ROBO1: variants seen among roughly 807,000 people sequenced by gnomAD.
ROBO1 encodes roundabout homolog 1.
A neutral mutation model predicts 195.9 loss-of-function variants in ROBO1; 149 were observed. The ratio of observed to expected loss-of-function variants is 0.76; its 90% CI spans 0.67 to 0.87. The LOEUF is 0.87. Among genes scored for constraint, ROBO1 ranks in the 40% least tolerant of loss-of-function variants. ROBO1 has a pLI of 0.00. For missense variants in ROBO1, 1,933 were observed against 2,068.3 expected (o/e 0.93, Z 1.27); for synonymous variants, 816 against 733.2 (o/e 1.11, Z -1.82).
chr3:79,362,437 T>C (rs955820485), intron 2 of ROBO1, among the ~76,000 whole-genome samples: 1 of 152,142 alleles, frequency 6.6e-6, no homozygotes, highest in Non-Finnish European at 1.5e-5. Context: ...GAGAAAACTA[T>C]TCAATAACTA....
intron 1 of ROBO1, among the ~76,000 whole-genome samples, chr3:79,737,173 C>T (rs545049166): frequency 6.6e-6 from 1 of 152,040 alleles, no homozygotes; most frequent in Non-Finnish European, 1.5e-5. Flanking sequence ...CAAGAGAGTG[C>T]AATATGAGGC....
At chr3:78,920,015 AC>A (rs1409290225) in intron 4 of ROBO1, among the ~76,000 whole-genome samples, 1 of 152,252 alleles carries the variant, frequency 6.6e-6, no homozygotes, top group Non-Finnish European at 1.5e-5. Context: ...AACAATCCTA[AC>A]ATTGTACTGA....
intron 1 of ROBO1, among the ~76,000 whole-genome samples, chr3:79,673,380 A>T (rs1246696855): frequency 6.6e-6 from 1 of 151,932 alleles, no homozygotes; most frequent in Non-Finnish European, 1.5e-5. Flanking sequence ...TAAACAAAGA[A>T]ATATGAGAGA....
chr3:78,884,569 G>A (rs2036389586), intron 4 of ROBO1, among the ~76,000 whole-genome samples: 1 of 150,230 alleles, frequency 6.7e-6, no homozygotes, highest in Non-Finnish European at 1.5e-5. Context: ...GAGAAAGAGA[G>A]AAAGAAAGAG....
At chr3:79,317,743 T>C (rs1053643126) in intron 2 of ROBO1, among the ~76,000 whole-genome samples, 1 of 152,124 alleles carries the variant, frequency 6.6e-6, no homozygotes, top group African/African-American at 2.4e-5. Flanking sequence ...GAAATAGTTC[T>C]TCCCTCTGGG....
intron 3 of ROBO1, among the ~76,000 whole-genome samples, chr3:78,955,534 T>G (rs1279049967): frequency 6.6e-6 from 1 of 152,158 alleles, no homozygotes; most frequent in Non-Finnish European, 1.5e-5. Context: ...AAGTAATATT[T>G]ATGAGTTCTT....
Position 78,635,978 on chromosome 3 carries a change from TG to T in ROBO1, c.3167del (p.Pro1056GlnfsTer3), listed in dbSNP as rs1207002303. On this transcript the variant is annotated frameshift_variant, in exon 23 of 31. Transcript: ENST00000464233. LOFTEE classifies it high-confidence loss of function. ...TGACAAAACGCCCATCCTTCAGATT[TG>T]GGCTATTGAAGGTTTTCATCTCATT... Reference protein sequence around the residue: ...KINEMKTFNSPNLKDGRFVNP... With the variant: ...KINEMKTFNSXNLKDGRFVNP... 6.2e-7 allele frequency: 1 copy of T among 1,613,794 alleles called. No individual in the cohort carries two copies. The highest frequency in any genetic ancestry group is 1.3e-5 in the African/African-American group (1 of 74,918).
At chr3:78,745,461 A>C (rs1369763577) in intron 5 of ROBO1, among the ~76,000 whole-genome samples, 5 of 152,110 alleles carry the variant, frequency 3.3e-5, no homozygotes, top group African/African-American at 1.2e-4. Flanking sequence ...ATGGTCATTA[A>C]ATGATCTAGA....
intron 1 of ROBO1, among the ~76,000 whole-genome samples, chr3:79,676,063 ATGGTGG>A (rs201887595): frequency 1.3e-5 from 2 of 151,770 alleles, no homozygotes; most frequent in Admixed American, 6.6e-5. Flanking sequence ...GTTGTTGTTG[ATGGTGG>A]TGGTGGTGGT....
At chr3:79,245,219 A>G (rs1353994784) in intron 2 of ROBO1, among the ~76,000 whole-genome samples, 1 of 152,072 alleles carries the variant, frequency 6.6e-6, no homozygotes, top group Non-Finnish European at 1.5e-5. Flanking sequence ...TGGACAGAAT[A>G]AGATTTTTCT....
At chr3:78,980,768 C>T (rs1410783139) in intron 3 of ROBO1, among the ~76,000 whole-genome samples, 1 of 152,112 alleles carries the variant, frequency 6.6e-6, no homozygotes. Context: ...TATAAACCTC[C>T]TCAAAACACT....
At chr3:79,005,065 A>T (rs2077589768) in intron 3 of ROBO1, among the ~76,000 whole-genome samples, 1 of 152,176 alleles carries the variant, frequency 6.6e-6, no homozygotes, top group Admixed American at 6.5e-5. Flanking sequence ...TCAAATAACG[A>T]AGAATCCGTT....
At chr3:79,465,351 A>C (rs1486971887) in intron 2 of ROBO1, among the ~76,000 whole-genome samples, 1 of 152,106 alleles carries the variant, frequency 6.6e-6, no homozygotes, top group Non-Finnish European at 1.5e-5. Flanking sequence ...ATTGTCATTT[A>C]TCTCTTCCAA....
At chr3:78,616,782 T>A (rs545439715) in intron 27 of ROBO1, among the ~76,000 whole-genome samples, 1 of 152,292 alleles carries the variant, frequency 6.6e-6, no homozygotes, top group East Asian at 1.9e-4. Flanking sequence ...GGAATGTATA[T>A]ATTAATTCTA....
At chr3:78,786,302 C>G (rs1382569514) in intron 4 of ROBO1, among the ~76,000 whole-genome samples, 3 of 152,066 alleles carry the variant, frequency 2.0e-5, no homozygotes, top group East Asian at 3.9e-4. Flanking sequence ...CAATAAATAT[C>G]AGAAAATACA....
At chr3:78,949,216 CA>C (rs1177692870) in intron 3 of ROBO1, among the ~76,000 whole-genome samples, 2 of 128,604 alleles carry the variant, frequency 1.6e-5, no homozygotes, top group African/African-American at 6.5e-5. Flanking sequence ...AATCCTAAGC[CA>C]AAAGAACAAA....
chr3:79,064,553 G>A (rs1312709384), intron 3 of ROBO1, among the ~76,000 whole-genome samples: 2 of 151,710 alleles, frequency 1.3e-5, no homozygotes, highest in Non-Finnish European at 2.9e-5. Context: ...ATGGCAATGG[G>A]GCTTCATTAT....
intron 6 of ROBO1, 35 bp from the exon 7 acceptor site, chr3:78,717,448 T>G: frequency 6.3e-7 from 1 of 1,598,452 alleles, no homozygotes; most frequent in Non-Finnish European, 8.6e-7. Context: ...AGGTAAAATT[T>G]TAAAATGAAC....
chr3:79,301,966 C>G (rs1576946078), intron 2 of ROBO1, among the ~76,000 whole-genome samples: 1 of 151,970 alleles, frequency 6.6e-6, no homozygotes, highest in South Asian at 2.1e-4. Flanking sequence ...TGTGTTCTAC[C>G]CACTCACCCA....
Sources: gnomAD v4.1 joint callset for allele counts (sites outside exome capture counted in the v4.1 genomes callset) on GRCh38, gnomAD v4.1.1 for gene constraint, MANE v1.5 for transcripts, NCBI Gene and HGNC (gene_info 2026-07-23, HGNC 2026-07-21) for gene names.